DHX57: variants seen among roughly 807,000 people sequenced by gnomAD.
DHX57 encodes putative ATP-dependent RNA helicase DHX57.
Under a neutral mutation model 156.2 loss-of-function variants are expected in DHX57, and 105 were observed. That is an observed-to-expected ratio of 0.67 (90% CI 0.57 to 0.79). DHX57 has a LOEUF of 0.79. Among genes scored for constraint, DHX57 ranks in the 30% least tolerant of loss-of-function variants. The pLI is 0.00. For missense variants in DHX57, 1,847 were observed against 1,661.9 expected, an observed-to-expected ratio of 1.11 and a Z score of -1.94; for synonymous variants, 704 against 595.6, an observed-to-expected ratio of 1.18 and a Z score of -2.65.
chr2:38,810,962 T>C, intron 21 of DHX57: 1 of 839,168 alleles, frequency 1.2e-6, no homozygotes, highest in Non-Finnish European at 2.0e-6. Flanking sequence ...GTGCCATCCT[T>C]GATGCTGGTC....
At chr2:38,856,537 C>T (rs1672908987) in intron 6 of DHX57, 76 bp from the exon 7 acceptor site, 2 of 1,484,484 alleles carry the variant, frequency 1.3e-6, no homozygotes, top group East Asian at 2.4e-5. Flanking sequence ...CAGGGTCTCA[C>T]TCTGTTGCCA....
intron 9 of DHX57, chr2:38,853,789 T>C (rs1672737370): frequency 4.5e-6 from 1 of 224,030 alleles, no homozygotes; most frequent in Non-Finnish European, 8.8e-6. Flanking sequence ...GTATTCAACT[T>C]AGCATAATGC....
intron 13 of DHX57, among the ~76,000 whole-genome samples, chr2:38,837,543 G>A (rs537037522): frequency 3.6e-5 from 5 of 139,120 alleles, no homozygotes; most frequent in East Asian, 2.1e-4. Flanking sequence ...CCCGGGAGGC[G>A]GAGATTGCAG....
At chr2:38,831,195 C>T (rs1401862999) in intron 13 of DHX57, among the ~76,000 whole-genome samples, 1 of 151,844 alleles carries the variant, frequency 6.6e-6, no homozygotes, top group African/African-American at 2.4e-5. Context: ...AAATTTTTGT[C>T]TATATTTTTA....
intron 2 of DHX57, among the ~76,000 whole-genome samples, chr2:38,864,280 C>G (rs528352948): frequency 1.3e-5 from 2 of 149,780 alleles, no homozygotes; most frequent in African/African-American, 4.9e-5. Flanking sequence ...GGCATTGGCT[C>G]ACACCTGTAA....
chr2:38,810,364 A>C, intron 21 of DHX57: 1 of 466,932 alleles, frequency 2.1e-6, no homozygotes, highest in Non-Finnish European at 4.2e-6. Flanking sequence ...ACAAATTATC[A>C]CAACAATTAG....
At chr2:38,836,517 T>G (rs986899898) in intron 13 of DHX57, among the ~76,000 whole-genome samples, 3 of 152,212 alleles carry the variant, frequency 2.0e-5, no homozygotes, top group African/African-American at 7.2e-5. Flanking sequence ...CTCACGCCTG[T>G]AATCCCAGCA....
intron 19 of DHX57, 29 bp downstream of exon 19, chr2:38,818,848 A>G: frequency 6.2e-7 from 1 of 1,613,058 alleles, no homozygotes; most frequent in Non-Finnish European, 8.5e-7. Flanking sequence ...TAATAAAAAA[A>G]TGAAGAAAAA....
At chr2:38,802,952 A>C in intron 22 of DHX57, 37 bp from the exon 23 acceptor site, 1 of 1,611,534 alleles carries the variant, frequency 6.2e-7, no homozygotes, top group East Asian at 2.2e-5. Flanking sequence ...CAGTGATGTC[A>C]CTGGCAACAA....
At chr2:38,841,816 T>C (rs930512353) in intron 12 of DHX57, among the ~76,000 whole-genome samples, 2 of 152,042 alleles carry the variant, frequency 1.3e-5, no homozygotes, top group African/African-American at 4.8e-5. Context: ...GAAGACCACA[T>C]AGGAACAAAG....
intron 2 of DHX57, 57 bp from the exon 3 acceptor site, chr2:38,863,576 T>C (rs1673353861): frequency 1.3e-6 from 2 of 1,550,090 alleles, no homozygotes; most frequent in Non-Finnish European, 1.7e-6. Context: ...ACTTTTACAC[T>C]CTCCTCAGGG....
intron 21 of DHX57, among the ~76,000 whole-genome samples, chr2:38,806,894 A>G (rs1669969694): frequency 6.9e-6 from 1 of 144,364 alleles, no homozygotes; most frequent in South Asian, 2.2e-4. Flanking sequence ...ACCAAGAAGT[A>G]TGAATATAGG....
At chr2:38,869,992 A>C (rs939839275) in intron 1 of DHX57, among the ~76,000 whole-genome samples, 4 of 152,198 alleles carry the variant, frequency 2.6e-5, no homozygotes, top group African/African-American at 9.6e-5. Context: ...TGAGAACATC[A>C]ATAAAGAGAT....
chr2:38,869,253 A>G (rs1044092116), intron 1 of DHX57, among the ~76,000 whole-genome samples: 5 of 152,264 alleles, frequency 3.3e-5, no homozygotes, highest in African/African-American at 7.2e-5. Flanking sequence ...TAAGACAGAT[A>G]GCTCCTAATC....
intron 5 of DHX57, among the ~76,000 whole-genome samples, chr2:38,860,763 C>T (rs1245038538): frequency 6.6e-6 from 1 of 152,170 alleles, no homozygotes; most frequent in Admixed American, 6.5e-5. Flanking sequence ...GTTAAACATA[C>T]GTCACTACAA....
intron 9 of DHX57, among the ~76,000 whole-genome samples, chr2:38,851,759 TAG>T (rs1213421805): frequency 1.3e-5 from 2 of 152,222 alleles, no homozygotes; most frequent in African/African-American, 4.8e-5. Flanking sequence ...ATACTGGATA[TAG>T]GTTTCCCTAA....
At chr2:38,836,862 T>G (rs1260364814) in intron 13 of DHX57, among the ~76,000 whole-genome samples, 3 of 152,032 alleles carry the variant, frequency 2.0e-5, no homozygotes, top group Non-Finnish European at 4.4e-5. Flanking sequence ...GGTTTTTTTC[T>G]GTTTTTTTGA....
At chr2:38,816,047 C>G in intron 19 of DHX57, 1 of 460,740 alleles carries the variant, frequency 2.2e-6, no homozygotes, top group Non-Finnish European at 4.4e-6. Context: ...TGTCTACTAC[C>G]TAGCTTTTCC....
At chr2:38,847,684 C>A (rs1453220696) in intron 10 of DHX57, among the ~76,000 whole-genome samples, 1 of 152,146 alleles carries the variant, frequency 6.6e-6, no homozygotes, top group Non-Finnish European at 1.5e-5. Context: ...GACACAAGTT[C>A]CCTCTTTATG....
Sources: allele counts gnomAD v4.1 joint callset (sites outside exome capture counted in the v4.1 genomes callset), GRCh38; gene constraint gnomAD v4.1.1; transcripts MANE v1.5; gene names NCBI Gene and HGNC (gene_info 2026-07-23, HGNC 2026-07-21).